MGAT4C: variants seen among roughly 807,000 people sequenced by gnomAD.
MGAT4C encodes the protein alpha-1,3-mannosyl-glycoprotein 4-beta-N-acetylglucosaminyltransferase C.
MGAT4C carries 19 observed loss-of-function variants against 40.1 expected under a neutral mutation model. The ratio of observed to expected loss-of-function variants is 0.47; its 90% CI spans 0.33 to 0.70. The LOEUF (loss-of-function observed/expected upper bound fraction) is 0.70, where lower values mean the gene tolerates loss of function less well. Among genes scored for constraint, MGAT4C ranks in the 30% least tolerant of loss-of-function variants. The pLI, the probability that MGAT4C is intolerant of heterozygous loss-of-function variation, is 0.02. For missense variants in MGAT4C, 491 were observed against 563.2 expected, an observed-to-expected ratio of 0.87 and a Z score of 1.30; for synonymous variants, 181 against 187.1, an observed-to-expected ratio of 0.97 and a Z score of 0.27.
At chr12:86,027,691 T>C (rs1890360834) in intron 2 of MGAT4C, among the ~76,000 whole-genome samples, 1 of 151,980 alleles carries the variant, frequency 6.6e-6, no homozygotes, top group African/African-American at 2.4e-5. Flanking sequence ...TGTGAATACA[T>C]GTAATGCTGA....
intron 2 of MGAT4C, among the ~76,000 whole-genome samples, chr12:86,637,228 A>C (rs1963246481): frequency 6.6e-6 from 1 of 151,998 alleles, no homozygotes; most frequent in African/African-American, 2.4e-5. Context: ...TATATATTGA[A>C]CATAAATATT....
At chr12:86,698,756 G>T (rs745796561) in intron 2 of MGAT4C, among the ~76,000 whole-genome samples, 28 of 152,000 alleles carry the variant, frequency 1.8e-4, no homozygotes, top group South Asian at 1.2e-3. Context: ...TTATTCACTT[G>T]GTTTCATTCT....
Position 86,307,484 on chromosome 12 carries a change from T to C in MGAT4C, c.-57+26581A>G, listed in dbSNP as rs1485070353. Among the ~76,000 whole-genome samples the C allele has an allele frequency of 1.3e-5, 2 of 150,348 alleles. 1 individual carries two copies. The highest frequency in any genetic ancestry group is 5.0e-5 in the African/African-American group (2 of 39,832). On this transcript the variant is annotated intron_variant, in intron 4 of 7. Transcript: ENST00000548651. ...GAATTATTACTATCTAGCCATGAGC[T>C]GGAACTAATCAAAAGGGTCTACTTA...
intron 2 of MGAT4C, among the ~76,000 whole-genome samples, chr12:86,440,896 T>A (rs1270464178): frequency 6.6e-6 from 1 of 151,924 alleles, no homozygotes; most frequent in African/African-American, 2.4e-5. Context: ...AATCTAGGAA[T>A]ATGCTTAAAC....
At chr12:86,813,486 C>T (rs11104104) in intron 1 of MGAT4C, among the ~76,000 whole-genome samples, 18,724 of 145,622 alleles carry the variant, frequency 0.13, 1,289 homozygotes, top group Non-Finnish European at 0.16. Flanking sequence ...ATATGCTTTT[C>T]AAACACATTT....
At chr12:86,661,154 C>T (rs957393048) in intron 2 of MGAT4C, among the ~76,000 whole-genome samples, 1 of 151,182 alleles carries the variant, frequency 6.6e-6, no homozygotes, top group African/African-American at 2.4e-5. Flanking sequence ...ACTGTAGTCA[C>T]AGTTGTGTTG....
chr12:86,269,028 A>G (rs976401377), intron 4 of MGAT4C, among the ~76,000 whole-genome samples: 3 of 86,968 alleles, frequency 3.4e-5, no homozygotes, highest in African/African-American at 1.1e-4. Flanking sequence ...ATATATATAT[A>G]TATATATATA....
intron 3 of MGAT4C, among the ~76,000 whole-genome samples, chr12:86,425,303 A>G (rs1340107510): frequency 6.6e-6 from 1 of 152,150 alleles, no homozygotes; most frequent in Non-Finnish European, 1.5e-5. Context: ...GTGGGAAGTG[A>G]TTGGATCATG....
At position 86,755,608 on chromosome 12, in the gene MGAT4C, CTCTT is replaced by C. The variant is rs992450873; in HGVS notation, c.-261-28371_-261-28368del. 3.0e-4 allele frequency among the ~76,000 whole-genome samples: 44 copies of C among 146,918 alleles called. 1 individual carries two copies. Among genetic ancestry groups the C allele is most frequent in the Non-Finnish European group, 4.8e-4 (32 of 66,454 alleles). ...CTTTTCTTTCTCTCTTTCTCTCTCT[CTCTT>C]TCTTTCTCTCTCTCCTTCCTTCCTT... On this transcript the variant is annotated intron_variant, in intron 1 of 7. Coordinates refer to the MGAT4C transcript ENST00000548651.
intron 1 of MGAT4C, among the ~76,000 whole-genome samples, chr12:86,100,981 T>C (rs1382077818): frequency 6.6e-6 from 1 of 151,740 alleles, no homozygotes; most frequent in Non-Finnish European, 1.5e-5. Context: ...GCCGTTCACA[T>C]TGATAAAGCG....
chr12:86,247,732 T>C (rs1264983065), intron 1 of MGAT4C, among the ~76,000 whole-genome samples: 1 of 151,950 alleles, frequency 6.6e-6, no homozygotes, highest in Non-Finnish European at 1.5e-5. Context: ...AAGAAGAAAT[T>C]GTAAGAGAGA....
Position 86,621,274 on chromosome 12 carries a change from C to T in MGAT4C, c.-229+105935G>A, listed in dbSNP as rs146953155. ...TGCTATAACATAGGGTGAATGTATC[C>T]TCCTACTTGAAACAAATAGACATCT... On this transcript the variant is annotated intron_variant, in intron 2 of 7. Transcript: ENST00000548651. Among the ~76,000 whole-genome samples the T allele has an allele frequency of 3.0e-3, 460 of 152,054 alleles. 2 individuals carry two copies. Among genetic ancestry groups the T allele is most frequent in the African/African-American group, 0.011 (440 of 41,500 alleles).
At chr12:86,404,455 A>G (rs1956426460) in intron 3 of MGAT4C, among the ~76,000 whole-genome samples, 1 of 152,106 alleles carries the variant, frequency 6.6e-6, no homozygotes, top group Non-Finnish European at 1.5e-5. Context: ...TCTAAAGATG[A>G]TTATTTTAAG....
At chr12:86,805,935 A>C (rs1279622113) in intron 1 of MGAT4C, among the ~76,000 whole-genome samples, 1 of 151,708 alleles carries the variant, frequency 6.6e-6, no homozygotes, top group East Asian at 1.9e-4. Flanking sequence ...ATGGTATCTC[A>C]TTATGGTTTT....
chr12:86,597,953 C>T (rs1961604691), intron 2 of MGAT4C, among the ~76,000 whole-genome samples: 1 of 152,016 alleles, frequency 6.6e-6, no homozygotes, highest in East Asian at 1.9e-4. Flanking sequence ...CTTGTTGGTC[C>T]TATAACACTG....
intron 2 of MGAT4C, among the ~76,000 whole-genome samples, chr12:86,509,788 G>A (rs950497769): frequency 6.6e-6 from 1 of 152,168 alleles, no homozygotes; most frequent in African/African-American, 2.4e-5. Context: ...TCCCTTGTAA[G>A]TTGGATTCCT....
At chr12:86,363,373 CA>C (rs1051931562) in intron 3 of MGAT4C, among the ~76,000 whole-genome samples, 5 of 151,738 alleles carry the variant, frequency 3.3e-5, no homozygotes, top group African/African-American at 1.2e-4. Flanking sequence ...ATTTATAAGT[CA>C]AAAAGAAGTT....
At chr12:86,033,262 A>G (rs1592734328) in intron 2 of MGAT4C, among the ~76,000 whole-genome samples, 1 of 149,322 alleles carries the variant, frequency 6.7e-6, no homozygotes, top group South Asian at 2.1e-4. Context: ...TTTTTATTTC[A>G]TATGACTTTT....
chr12:86,649,269 A>G (rs1963630852), intron 2 of MGAT4C, among the ~76,000 whole-genome samples: 1 of 151,744 alleles, frequency 6.6e-6, no homozygotes, highest in Non-Finnish European at 1.5e-5. Flanking sequence ...ATAGTTTTGT[A>G]CCCATTGAAA....
Sources: allele counts gnomAD v4.1 joint callset (sites outside exome capture counted in the v4.1 genomes callset), GRCh38; gene constraint gnomAD v4.1.1; transcripts MANE v1.5; gene names NCBI Gene and HGNC (gene_info 2026-07-23, HGNC 2026-07-21).